The following CDKAL1 variants were observed in gnomAD, a reference collection of about 807,000 sequenced individuals.
CDKAL1 encodes threonylcarbamoyladenosine tRNA methylthiotransferase.
CDKAL1 carries 32 observed loss-of-function variants against 68.2 expected under a neutral mutation model. The observed-to-expected ratio is 0.47, with a 90% CI of 0.35 to 0.63. CDKAL1 has a LOEUF of 0.63. Ranked by LOEUF, CDKAL1 falls within the 30% of genes least tolerant of loss-of-function variation. The probability of loss-of-function intolerance (pLI) is 0.00; values close to 1 mark genes in which losing one functional copy is unlikely to be tolerated. For missense variants in CDKAL1, 606 were observed against 696.7 expected (o/e 0.87, Z 1.47); for synonymous variants, 234 against 244.3 (o/e 0.96, Z 0.39).
chr6:20,816,966 T>C (rs948861052), intron 8 of CDKAL1, among the ~76,000 whole-genome samples: 1 of 152,138 alleles, frequency 6.6e-6, no homozygotes, highest in East Asian at 1.9e-4. Context: ...AACAGAGGAT[T>C]GTGGAGGGCA....
intron 9 of CDKAL1, among the ~76,000 whole-genome samples, chr6:20,941,274 TG>T (rs1426460452): frequency 6.6e-6 from 1 of 152,208 alleles, no homozygotes; most frequent in Admixed American, 6.5e-5. Context: ...CTACTAAAGC[TG>T]GCTTTTGAGA....
intron 5 of CDKAL1, among the ~76,000 whole-genome samples, chr6:20,681,096 A>G (rs1770355353): frequency 6.6e-6 from 1 of 152,220 alleles, no homozygotes; most frequent in Non-Finnish European, 1.5e-5. Flanking sequence ...AGTTGGAGAT[A>G]TTTAGCTTAA....
intron 8 of CDKAL1, among the ~76,000 whole-genome samples, chr6:20,834,342 G>C (rs1351739798): frequency 6.6e-6 from 1 of 152,146 alleles, no homozygotes; most frequent in Non-Finnish European, 1.5e-5. Context: ...TTTTGTCTTT[G>C]TTAGGCAAGA....
intron 9 of CDKAL1, among the ~76,000 whole-genome samples, chr6:20,852,851 A>T: frequency 6.6e-6 from 1 of 152,232 alleles, no homozygotes; most frequent in Non-Finnish European, 1.5e-5. Context: ...GCCTTTCCTC[A>T]GAACTTTGAG....
chr6:20,732,954 C>T (rs1333575331), intron 5 of CDKAL1, among the ~76,000 whole-genome samples: 2 of 152,126 alleles, frequency 1.3e-5, no homozygotes, highest in Admixed American at 6.5e-5. Flanking sequence ...AGCTACAAAA[C>T]ATTTAAACTA....
At chr6:21,217,226 T>TA (rs148564667) in intron 15 of CDKAL1, among the ~76,000 whole-genome samples, 10,767 of 151,692 alleles carry the variant, frequency 0.071, 432 homozygotes, top group Non-Finnish European at 0.09. Flanking sequence ...AGAGTCTGTA[T>TA]AAAAAGTCTT....
chr6:20,810,630 GT>G (rs1776771684), intron 8 of CDKAL1, among the ~76,000 whole-genome samples: 116 of 18,716 alleles, frequency 6.2e-3, no homozygotes, highest in African/African-American at 0.036. Context: ...ATGTATGGGT[GT>G]GTGTGTGTGT....
chr6:20,732,687 A>C (rs985900602), intron 5 of CDKAL1, among the ~76,000 whole-genome samples: 2 of 151,826 alleles, frequency 1.3e-5, no homozygotes, highest in Admixed American at 1.3e-4. Context: ...TGCGTGTTTT[A>C]TTTTTACTGT....
At chr6:20,542,223 G>A (rs1355849876) in intron 2 of CDKAL1, among the ~76,000 whole-genome samples, 1 of 152,202 alleles carries the variant, frequency 6.6e-6, no homozygotes, top group East Asian at 1.9e-4. Context: ...CAGCAAATGA[G>A]AAGGAAAATT....
intron 5 of CDKAL1, among the ~76,000 whole-genome samples, chr6:20,701,259 G>GTTTTTTT (rs11305935): frequency 8.4e-6 from 1 of 118,586 alleles, no homozygotes; most frequent in African/African-American, 3.1e-5. Flanking sequence ...ACATGAAGTT[G>GTTTTTTT]TTTTTTTTTT....
chr6:21,068,233 T>C (rs1178697667), intron 12 of CDKAL1, among the ~76,000 whole-genome samples: 1 of 6,148 alleles, frequency 1.6e-4, no homozygotes, highest in Non-Finnish European at 3.1e-4. Context: ...ATTTATCAAT[T>C]TTTTTTTTAT....
chr6:21,230,407 C>T (rs1779916189), intron 15 of CDKAL1, among the ~76,000 whole-genome samples: 5 of 152,224 alleles, frequency 3.3e-5, no homozygotes, highest in African/African-American at 1.2e-4. Flanking sequence ...AGTGATCAGC[C>T]CGCCTTGGCC....
At chr6:21,144,485 T>C (rs1189665461) in intron 13 of CDKAL1, among the ~76,000 whole-genome samples, 1 of 152,012 alleles carries the variant, frequency 6.6e-6, no homozygotes. Flanking sequence ...CACCTGTTGG[T>C]CCTTAAAAAC....
chr6:21,138,273 G>A lies in CDKAL1; in HGVS notation c.1299+29810G>A, dbSNP rs544772194. On this transcript the variant is annotated intron_variant, in intron 13 of 15. Transcript: ENST00000274695. ...TGTGTGTGTATGCTGTATGTGTGTG[G>A]GGGGAACTATCATTTTATAATTTCA... Among the ~76,000 whole-genome samples, 241 of 151,898 alleles carry A rather than the reference G, an allele frequency of 1.6e-3. 2 individuals are homozygous for A. The highest frequency in any genetic ancestry group is 3.4e-3 in the Middle Eastern group (1 of 294).
intron 12 of CDKAL1, among the ~76,000 whole-genome samples, chr6:21,094,384 G>T (rs1314345371): frequency 6.6e-6 from 1 of 152,210 alleles, no homozygotes; most frequent in Non-Finnish European, 1.5e-5. Flanking sequence ...TGTGGAGCTG[G>T]TTGGTTCTTA....
At chr6:20,773,788 T>G (rs1460476203) in intron 7 of CDKAL1, among the ~76,000 whole-genome samples, 1 of 152,172 alleles carries the variant, frequency 6.6e-6, no homozygotes, top group African/African-American at 2.4e-5. Context: ...CCTCATGATC[T>G]GCCCGCCTCG....
intron 11 of CDKAL1, among the ~76,000 whole-genome samples, chr6:21,024,619 T>C (rs1445558781): frequency 6.6e-6 from 1 of 152,224 alleles, no homozygotes; most frequent in Non-Finnish European, 1.5e-5. Context: ...GACTTCATAT[T>C]TCATCACAGA....
chr6:21,215,707 T>C (rs1284848666), intron 15 of CDKAL1, among the ~76,000 whole-genome samples: 1 of 152,152 alleles, frequency 6.6e-6, no homozygotes, highest in African/African-American at 2.4e-5. Flanking sequence ...TGTCAAGTGC[T>C]CTAGATATCC....
chr6:21,195,337 A>G (rs1413283239), intron 13 of CDKAL1, among the ~76,000 whole-genome samples: 1 of 151,894 alleles, frequency 6.6e-6, no homozygotes, highest in East Asian at 1.9e-4. Context: ...TAACTTTTGT[A>G]TTTTTAGTAG....
Sources: allele counts gnomAD v4.1 joint callset (sites outside exome capture counted in the v4.1 genomes callset), GRCh38; gene constraint gnomAD v4.1.1; transcripts MANE v1.5; gene names NCBI Gene and HGNC (gene_info 2026-07-23, HGNC 2026-07-21).